Variants in MUC20 observed in about 807,000 individuals in gnomAD.
MUC20 encodes the protein mucin-20.
In MUC20, 14 loss-of-function variants were observed where a neutral mutation model predicts 23.8. The observed-to-expected ratio is 0.59, with a 90% CI of 0.39 to 0.92. MUC20 has a LOEUF of 0.92. Ranked by LOEUF, MUC20 falls within the 40% of genes least tolerant of loss-of-function variation. The pLI, the probability that MUC20 is intolerant of heterozygous loss-of-function variation, is 0.00. For missense variants in MUC20, 375 were observed against 668.8 expected, an observed-to-expected ratio of 0.56 and a Z score of 4.85; for synonymous variants, 166 against 279.3, an observed-to-expected ratio of 0.59 and a Z score of 4.04.
chr3:195,729,694 G>T lies in MUC20; in HGVS notation c.2016G>T (p.Pro672=). 6.3e-7 allele frequency: 1 copy of T among 1,596,566 alleles called. No individual in the cohort carries two copies. The highest frequency in any genetic ancestry group is 2.3e-5 in the East Asian group (1 of 44,174). Residue 672 remains proline, a synonymous_variant, in exon 3 of 4, where the codon CCG becomes CCT. Coordinates refer to ENST00000447234, the MANE Select transcript of MUC20 (RefSeq NM_001282506.2). ...TCCTGCGGCTGAGTGTGGCTTCCCC[G>T]GAAGACCTCACTGACCCCAGAGTGG... is the stretch of plus-strand genomic sequence containing the variant. ...FLLLRLSVAS[P]EDLTDPRVAE...
Position 195,726,009 on chromosome 3 carries a change from C to T in MUC20, c.1406C>T (p.Pro469Leu). The T allele has an allele frequency of 1.2e-6, 2 of 1,614,042 alleles. No homozygotes were observed. Among genetic ancestry groups the T allele is most frequent in the Non-Finnish European group, 1.7e-6 (2 of 1,179,896 alleles). ...CTGCCTGACTCCACTGAAGCAAAACCACACATCACTGAGGTCACAGCCTCT... is the reference window on the plus strand; with the variant it reads ...CTGCCTGACTCCACTGAAGCAAAACTACACATCACTGAGGTCACAGCCTCT... ...PALPDSTEAK[P>L]HITEVTASAE... The change falls in exon 2 of 4, where the codon CCA (proline) becomes CTA (leucine). Residue 469 changes from proline (P) to leucine (L), a missense_variant. Around this residue, in one of 4 missense-constraint regions of MUC20, gnomAD observed 343 missense variants for 340.2 expected, o/e 1.01. Coordinates refer to ENST00000447234, the MANE Select transcript of MUC20 (RefSeq NM_001282506.2).
intron 3 of MUC20, among the ~76,000 whole-genome samples, chr3:195,730,398 T>C (rs2148707403): frequency 6.6e-6 from 1 of 152,386 alleles, no homozygotes; most frequent in East Asian, 1.9e-4. Flanking sequence ...CAGGCTGGAG[T>C]GCAGTGGTGC....
chr3:195,730,099 C>CAAAAAAAAA (rs4036961), intron 3 of MUC20: 3 of 92,992 alleles, frequency 3.2e-5, no homozygotes, highest in African/African-American at 9.2e-5. Context: ...GCAGTTTATG[C>CAAAAAAAAA]AAAAAAAAAA....
intron 3 of MUC20, 177 bp downstream of exon 3, chr3:195,729,916 C>T: frequency 6.1e-6 from 4 of 653,566 alleles, no homozygotes; most frequent in Non-Finnish European, 7.8e-6. Flanking sequence ...TTCTGCCTGC[C>T]TTCTCCGAGT....
intron 3 of MUC20, among the ~76,000 whole-genome samples, chr3:195,730,351 C>G (rs1396837479): frequency 2.0e-4 from 31 of 152,162 alleles, no homozygotes; most frequent in African/African-American, 7.2e-4. Context: ...TTCTTTCTTT[C>G]TTTTTGTTTT....
At chr3:195,722,992 G>A (rs1712301834) in intron 1 of MUC20, among the ~76,000 whole-genome samples, 1 of 125,054 alleles carries the variant, frequency 8.0e-6, no homozygotes, top group African/African-American at 2.8e-5. Context: ...CTTACCTTGT[G>A]GGCTTTGGAA....
chr3:195,731,047 G>A (rs1275343804), intron 3 of MUC20, among the ~76,000 whole-genome samples: 2 of 152,248 alleles, frequency 1.3e-5, no homozygotes, highest in African/African-American at 4.8e-5. Context: ...GATGGGAAGT[G>A]TCTAAGCTCT....
Position 195,726,403 on chromosome 3 carries a change from C to T in MUC20, c.1800C>T (p.Phe600=), listed in dbSNP as rs757452990. ...TGGACATCGCAACCAAGGGGCCCTT[C>T]CCCACCAGCAGGGACCCTCTTCCTT... The part of the protein sequence containing the change: ...PTMDIATKGP[F]PTSRDPLPSV... Residue 600 remains phenylalanine, a synonymous_variant, in exon 2 of 4, where the codon TTC becomes TTT. Coordinates refer to ENST00000447234, the MANE Select transcript of MUC20 (RefSeq NM_001282506.2). 6 of 1,614,074 alleles carry T rather than the reference C, an allele frequency of 3.7e-6. No homozygotes were observed. The highest frequency in any genetic ancestry group is 5.1e-6 in the Non-Finnish European group (6 of 1,179,888).
intron 1 of MUC20, chr3:195,721,598 G>A (rs1290153985): frequency 1.1e-5 from 2 of 175,122 alleles, no homozygotes; most frequent in Non-Finnish European, 2.4e-5. Flanking sequence ...AAGGGTGGAT[G>A]CTGACAGGCA....
In MUC20 at chr3:195,729,490, G is replaced by A. The variant is rs1322857103; in HGVS notation, c.1970-158G>A. On this transcript the variant is annotated intron_variant, in intron 2 of 3. Coordinates refer to ENST00000447234, the MANE Select transcript of MUC20 (RefSeq NM_001282506.2). Reference sequence around the variant, plus strand: ...CACCACCATGCCCGGCTCATTTTGTGTTTTTAGTAAAGACGGGATTTCTCC... The same window carrying A: ...CACCACCATGCCCGGCTCATTTTGTATTTTTAGTAAAGACGGGATTTCTCC... The A allele has an allele frequency of 7.1e-6, 5 of 704,606 alleles. No homozygotes were observed. In the South Asian group the frequency reaches 9.1e-5, roughly 13 times the overall value. The allele number at this position is 704,606 out of a possible 1,614,324, so 43.6% of individuals were successfully genotyped here. A position where few individuals can be genotyped will look rare whatever the true frequency, so the allele number is the denominator to read the frequency against.
chr3:195,731,331 A>G (rs778347899), intron 3 of MUC20, among the ~76,000 whole-genome samples: 65 of 152,356 alleles, frequency 4.3e-4, no homozygotes, highest in Non-Finnish European at 5.3e-4. Context: ...TGTAGAGTTC[A>G]TAGCCAGGCT....
At chr3:195,729,526 G>T (rs756380749) in intron 2 of MUC20, 122 bp from the exon 3 acceptor site, 780 of 908,064 alleles carry the variant, frequency 8.6e-4, no homozygotes, top group Middle Eastern at 5.2e-3. Flanking sequence ...ATGTTGGTCA[G>T]GCTGGTCTCA....
intron 2 of MUC20, among the ~76,000 whole-genome samples, chr3:195,728,323 A>G (rs145591557): frequency 3.2e-4 from 49 of 152,402 alleles, no homozygotes; most frequent in Non-Finnish European, 6.2e-4. Flanking sequence ...ATGTAGTAGG[A>G]GAGCAGGGTG....
At position 195,726,065 on chromosome 3, in the gene MUC20, G is replaced by C; in HGVS notation, c.1462G>C (p.Glu488Gln). 6.2e-7 allele frequency: 1 copy of C among 1,613,754 alleles called. No individual in the cohort carries two copies. Among genetic ancestry groups the C allele is most frequent in the Non-Finnish European group, 8.5e-7 (1 of 1,179,710 alleles). ...GACCCTGTCCACAGCCGGCACCACA[G>C]AGTCAGCTGCACCTGATGCCACGGT... ...AETLSTAGTT[E>Q]SAAPDATVGT... Residue 488 changes from glutamate to glutamine, a missense_variant, in exon 2 of 4, where the codon GAG becomes CAG. Coordinates refer to ENST00000447234, the MANE Select transcript of MUC20 (RefSeq NM_001282506.2).
chr3:195,731,140 G>A (rs1015072507), intron 3 of MUC20, among the ~76,000 whole-genome samples: 1 of 152,378 alleles, frequency 6.6e-6, no homozygotes, highest in Non-Finnish European at 1.5e-5. Flanking sequence ...GCTAATACCT[G>A]AAGCTTGCAT....
chr3:195,725,996 A>G lies in MUC20; in HGVS notation c.1393A>G (p.Thr465Ala), dbSNP rs535855725. 2.8e-5 allele frequency: 45 copies of G among 1,613,928 alleles called. 1 individual carries two copies. The South Asian group carries it at 4.4e-4, about 16-fold the overall frequency. Residue 465 changes from threonine (T) to alanine (A), a missense_variant, in exon 2 of 4, where the codon ACT (threonine) becomes GCT (alanine). Physicochemically the swap from Thr to Ala is moderately conservative, Grantham distance 58. Transcript: ENST00000447234. The stretch of plus-strand genomic sequence containing the variant: ...CGATCCACCAGCTCTGCCTGACTCC[A>G]CTGAAGCAAAACCACACATCACTGA... Reference protein sequence around the residue: ...TSDPPALPDSTEAKPHITEVT... With the variant: ...TSDPPALPDSAEAKPHITEVT...
rs199797964 is a variant in MUC20, at chr3:195,732,807, GA to G, written c.2062-342del. ...GGTTGGGCATCAGTTCTCGTCCGGGGACAGCCCAACAGTTTGGGCTCGGGGA... is the reference window on the plus strand; with the variant it reads ...GGTTGGGCATCAGTTCTCGTCCGGGGCAGCCCAACAGTTTGGGCTCGGGGA... On this transcript the variant is annotated intron_variant, in intron 3 of 3. Coordinates refer to ENST00000447234, the MANE Select transcript of MUC20 (RefSeq NM_001282506.2). Among the ~76,000 whole-genome samples the G allele has an allele frequency of 3.3e-3, 506 of 152,328 alleles. 4 individuals carry two copies. The highest frequency in any genetic ancestry group is 0.012 in the African/African-American group (493 of 41,538).
At chr3:195,729,896 C>A in intron 3 of MUC20, 157 bp downstream of exon 3, 1 of 744,406 alleles carries the variant, frequency 1.3e-6, no homozygotes, top group South Asian at 1.8e-5. Flanking sequence ...GGATCTCTGC[C>A]TGGCTTTGCT....
intron 3 of MUC20, chr3:195,730,098 GCAAAAA>G: frequency 3.0e-5 from 1 of 33,650 alleles, no homozygotes. Flanking sequence ...GGCAGTTTAT[GCAAAAA>G]AAAAAAAAAA....
Sources: gnomAD v4.1 joint callset for allele counts (sites outside exome capture counted in the v4.1 genomes callset) on GRCh38, gnomAD v4.1.1 for gene constraint, gnomAD v4.1.1 regional missense constraint, MANE v1.5 for transcripts, NCBI Gene and HGNC (gene_info 2026-07-23, HGNC 2026-07-21) for gene names.